The following XPR1 variants were observed in gnomAD, a reference collection of about 807,000 sequenced individuals.
The protein encoded by XPR1 is xenotropic and polytropic retrovirus receptor 1, also known as solute carrier family 53 member 1.
In XPR1, 28 loss-of-function variants were observed where a neutral mutation model predicts 87.5. That is an observed-to-expected ratio of 0.32 (90% CI 0.24 to 0.44). The LOEUF (loss-of-function observed/expected upper bound fraction) is 0.44. Ranked by LOEUF, XPR1 falls within the 20% of genes least tolerant of loss-of-function variation. The probability of loss-of-function intolerance (pLI) is 1.00; values close to 1 mark genes in which losing one functional copy is unlikely to be tolerated. For missense variants in XPR1, 559 were observed against 862.3 expected, an observed-to-expected ratio of 0.65 and a Z score of 4.41; for synonymous variants, 300 against 306.1, an observed-to-expected ratio of 0.98 and a Z score of 0.21.
At chr1:180,694,057 A>G (rs1371201258) in intron 2 of XPR1, among the ~76,000 whole-genome samples, 1 of 152,188 alleles carries the variant, frequency 6.6e-6, no homozygotes, top group African/African-American at 2.4e-5. Context: ...TCCGGAGCTC[A>G]GTAGACTGTC....
intron 1 of XPR1, among the ~76,000 whole-genome samples, chr1:180,666,373 G>A (rs1279604577): frequency 1.3e-5 from 2 of 152,144 alleles, no homozygotes; most frequent in Admixed American, 1.3e-4. Flanking sequence ...AGATCGCTTT[G>A]AGTAGTATTG....
Position 180,743,224 on chromosome 1 carries a change from T to TTG in XPR1, c.122-44529_122-44528insTG, listed in dbSNP as rs111485833. Among the ~76,000 whole-genome samples the TTG allele has an allele frequency of 7.6e-4, 114 of 149,466 alleles. No homozygotes were observed. In the East Asian group the frequency reaches 0.019, roughly 25 times the overall value. Reference sequence around the variant, plus strand: ...TTCTGTTCATTTTCCCTTTTTTTTTTGGGGGGGGAGTATTTTAATATTTTT... The same window carrying TTG: ...TTCTGTTCATTTTCCCTTTTTTTTTTTGGGGGGGGGAGTATTTTAATATTTTT... On this transcript the variant is annotated intron_variant, in intron 2 of 14. Transcript: ENST00000367590.
At chr1:180,734,084 C>T (rs1658647657) in intron 2 of XPR1, among the ~76,000 whole-genome samples, 1 of 152,166 alleles carries the variant, frequency 6.6e-6, no homozygotes. Context: ...AGGATTTCAA[C>T]CCAGGCAGTC....
Position 180,811,632 on chromosome 1 carries a change from G to A in XPR1, c.763+144G>A, listed in dbSNP as rs940492562. The A allele has an allele frequency of 1.3e-5, 8 of 626,146 alleles. No homozygotes were observed. The African/African-American group carries it at 1.5e-4, about 12-fold the overall frequency. 38.8% of individuals were successfully genotyped at this position (626,146 alleles called of 1,614,324 possible). A position where few individuals can be genotyped will look rare whatever the true frequency, so the allele number is the denominator to read the frequency against. ...GGCTAAGTTTTTTGTCCTTATAAAT[G>A]TGGTTTTTTTTAGTTGTTTGTTTTG... On this transcript the variant is annotated intron_variant, in intron 7 of 14. Coordinates refer to ENST00000367590, the MANE Select transcript of XPR1 (RefSeq NM_004736.4).
chr1:180,718,986 C>T (rs1204718833), intron 2 of XPR1, among the ~76,000 whole-genome samples: 1 of 152,126 alleles, frequency 6.6e-6, no homozygotes, highest in Non-Finnish European at 1.5e-5. Flanking sequence ...TGTTTTAAAG[C>T]TCTTCAGGTC....
intron 3 of XPR1, among the ~76,000 whole-genome samples, chr1:180,800,080 T>C (rs1649726392): frequency 6.6e-6 from 1 of 152,190 alleles, no homozygotes; most frequent in Admixed American, 6.5e-5. Flanking sequence ...TCCTTCATCA[T>C]ATTTCTTACC....
intron 2 of XPR1, among the ~76,000 whole-genome samples, chr1:180,703,090 CTG>C (rs1223395335): frequency 1.3e-5 from 2 of 152,116 alleles, no homozygotes; most frequent in African/African-American, 4.8e-5. Context: ...TTGGCTTAGA[CTG>C]TGTTTTTTAG....
At chr1:180,718,961 C>G (rs1217874350) in intron 2 of XPR1, among the ~76,000 whole-genome samples, 1 of 152,184 alleles carries the variant, frequency 6.6e-6, no homozygotes, top group Non-Finnish European at 1.5e-5. Flanking sequence ...GCCACTGTAC[C>G]CAGCCGGATC....
rs182275840 is a variant in XPR1, at chr1:180,828,925, A to T, written c.1134+3581A>T. 2.0e-5 allele frequency among the ~76,000 whole-genome samples: 3 copies of T among 152,276 alleles called. No individual in the cohort carries two copies. In the East Asian group the frequency reaches 5.8e-4, roughly 29 times the overall value. ...AAAAATCAAATTTGAGGCCAGGCAC[A>T]GTAGCTCATGCCTGTAATCCTAGCA... On this transcript the variant is annotated intron_variant, in intron 9 of 14. Transcript: ENST00000367590.
intron 1 of XPR1, among the ~76,000 whole-genome samples, chr1:180,659,333 TTCCTTCCGTCCTTCCTTCCGTCCTTCCG>T (rs1655669095): frequency 7.4e-6 from 1 of 135,250 alleles, no homozygotes; most frequent in African/African-American, 2.8e-5. Flanking sequence ...TCTTCCTTCC[TTCCTTCCGTCCTTCCTTCCGTCCTTCCG>T]TCCTTCCGTC....
intron 11 of XPR1, among the ~76,000 whole-genome samples, chr1:180,840,759 T>TA (rs1237909045): frequency 6.6e-6 from 1 of 151,796 alleles, no homozygotes; most frequent in Non-Finnish European, 1.5e-5. Context: ...CTAAAAAGCT[T>TA]AAAACAGAGA....
intron 9 of XPR1, among the ~76,000 whole-genome samples, chr1:180,827,641 T>G (rs1650898522): frequency 6.6e-6 from 1 of 152,108 alleles, no homozygotes; most frequent in African/African-American, 2.4e-5. Context: ...CTTCTATATT[T>G]GTGGTTTGTT....
intron 2 of XPR1, among the ~76,000 whole-genome samples, chr1:180,737,773 C>T (rs1658776537): frequency 6.6e-6 from 1 of 152,136 alleles, no homozygotes; most frequent in East Asian, 1.9e-4. Flanking sequence ...GCTGGTGTTG[C>T]TTTTGTCAAT....
rs565042320 is a variant in XPR1, at chr1:180,842,192, C to T, written c.1501+5476C>T. ...CAAGGAGTAAAAGACAGTGAGGTAA[C>T]CTTGTTTGGATTCAGAGATCTGAGT... On this transcript the variant is annotated intron_variant, in intron 11 of 14. Transcript: ENST00000367590. 3.8e-4 allele frequency among the ~76,000 whole-genome samples: 58 copies of T among 152,178 alleles called. 1 individual carries two copies. In the South Asian group the frequency reaches 0.011, roughly 30 times the overall value.
chr1:180,642,921 A>G (rs1284678485), intron 1 of XPR1, among the ~76,000 whole-genome samples: 8 of 152,184 alleles, frequency 5.3e-5, no homozygotes, highest in Admixed American at 5.2e-4. Context: ...GGGGAAATCT[A>G]GGAGTTAGAG....
chr1:180,740,074 A>G (rs1480001266), intron 2 of XPR1, among the ~76,000 whole-genome samples: 1 of 152,118 alleles, frequency 6.6e-6, no homozygotes, highest in Non-Finnish European at 1.5e-5. Context: ...TACTATTTCT[A>G]GGAGTTTTTG....
At chr1:180,670,083 A>C (rs550632643) in intron 1 of XPR1, among the ~76,000 whole-genome samples, 6 of 152,250 alleles carry the variant, frequency 3.9e-5, no homozygotes, top group African/African-American at 1.4e-4. Context: ...ATTTGTACAA[A>C]GTATCTATTT....
chr1:180,731,018 C>CT (rs1339613807), intron 2 of XPR1, among the ~76,000 whole-genome samples: 1 of 152,154 alleles, frequency 6.6e-6, no homozygotes, highest in East Asian at 1.9e-4. Flanking sequence ...TTCCCTGCAT[C>CT]TGTAACACTT....
At chr1:180,728,268 G>T (rs1231950526) in intron 2 of XPR1, among the ~76,000 whole-genome samples, 1 of 143,140 alleles carries the variant, frequency 7.0e-6, no homozygotes, top group African/African-American at 2.6e-5. Context: ...GGTATATGGC[G>T]GTAGTGAGAA....
Sources: allele counts gnomAD v4.1 joint callset (sites outside exome capture counted in the v4.1 genomes callset), GRCh38; gene constraint gnomAD v4.1.1; transcripts MANE v1.5; gene names NCBI Gene and HGNC (gene_info 2026-07-23, HGNC 2026-07-21).